Variants in SYT1 observed in about 807,000 individuals in gnomAD.
The protein encoded by SYT1 is synaptotagmin-1.
SYT1 carries 8 observed loss-of-function variants against 44.8 expected under a neutral mutation model. The ratio of observed to expected loss-of-function variants is 0.18; its 90% confidence interval spans 0.10 to 0.32. The LOEUF (loss-of-function observed/expected upper bound fraction) is 0.32. SYT1 is among the 10% of genes least tolerant of loss of function. The pLI, the probability that SYT1 is intolerant of heterozygous loss-of-function variation, is 1.00. For synonymous variants in SYT1, 154 were observed against 188.8 expected, an observed-to-expected ratio of 0.82 and a Z score of 1.51; for missense variants, 286 against 509.3, an observed-to-expected ratio of 0.56 and a Z score of 4.22.
intron 8 of SYT1, among the ~76,000 whole-genome samples, chr12:79,334,490 A>G (rs1053619732): frequency 1.3e-5 from 2 of 152,148 alleles, no homozygotes; most frequent in Non-Finnish European, 2.9e-5. Flanking sequence ...CGAGGATATG[A>G]CAGTGAGAAA....
At position 79,172,993 on chromosome 12, in the gene SYT1, AAAAAAAAAAAAAAG is replaced by A. The variant is rs1170750408; in HGVS notation, c.-17-44509_-17-44496del. 1.2e-3 allele frequency among the ~76,000 whole-genome samples: 175 copies of A among 143,112 alleles called. 3 individuals are homozygous for A. The highest frequency in any genetic ancestry group is 0.01 in the Middle Eastern group (3 of 288). 93.9% of individuals were successfully genotyped at this position (143,112 alleles called of 152,430 possible). A position where few individuals can be genotyped will look rare whatever the true frequency, so the allele number is the denominator to read the frequency against. On this transcript the variant is annotated intron_variant, in intron 3 of 10. Transcript: ENST00000261205. Reference sequence around the variant, plus strand: ...TCAAAAAAAAAAAAAAAAAAAAAAAAAAAAAAAAAAAAAGGGAGTTTGGCCTGTCCAGAAATAAA... The same window carrying A: ...TCAAAAAAAAAAAAAAAAAAAAAAAAGGAGTTTGGCCTGTCCAGAAATAAA...
chr12:79,132,709 A>G (rs1185170694), intron 3 of SYT1, among the ~76,000 whole-genome samples: 1 of 151,136 alleles, frequency 6.6e-6, no homozygotes, highest in Non-Finnish European at 1.5e-5. Context: ...AAACCCTGAA[A>G]ATAGAGCTAC....
intron 2 of SYT1, among the ~76,000 whole-genome samples, chr12:78,992,811 GTCA>G (rs1870107507): frequency 6.6e-6 from 1 of 152,146 alleles, no homozygotes; most frequent in African/African-American, 2.4e-5. Context: ...CTGAGCTGCA[GTCA>G]TCATGTGGGT....
At chr12:79,106,141 GC>G (rs1442129761) in intron 3 of SYT1, among the ~76,000 whole-genome samples, 1 of 152,188 alleles carries the variant, frequency 6.6e-6, no homozygotes, top group Admixed American at 6.5e-5. Flanking sequence ...AGTTGGAAAT[GC>G]AAAAGTAAAC....
chr12:79,034,191 C>A lies in SYT1; in HGVS notation c.-83-13106C>A, dbSNP rs193225516. On this transcript the variant is annotated intron_variant, in intron 2 of 10. Transcript: ENST00000261205. The stretch of plus-strand genomic sequence containing the variant: ...TTAAAGATGTTTTATCTTGAAAATT[C>A]TTTGGAAAGCCCTTTTGTTTTAAGG... Among the ~76,000 whole-genome samples the A allele has an allele frequency of 2.0e-5, 3 of 151,562 alleles. No homozygotes were observed. The East Asian group carries it at 5.8e-4, about 29-fold the overall frequency.
At chr12:79,319,437 A>G (rs1455887749) in intron 8 of SYT1, among the ~76,000 whole-genome samples, 1 of 152,194 alleles carries the variant, frequency 6.6e-6, no homozygotes, top group Non-Finnish European at 1.5e-5. Flanking sequence ...AAGGGCTGAG[A>G]TTCAGAATTT....
At chr12:79,287,246 T>C (rs1013979912) in intron 5 of SYT1, among the ~76,000 whole-genome samples, 7 of 152,094 alleles carry the variant, frequency 4.6e-5, no homozygotes, top group African/African-American at 1.7e-4. Context: ...ACTCAGAGAG[T>C]TTTGGCCTGA....
At chr12:79,035,995 C>T (rs1225374455) in intron 2 of SYT1, among the ~76,000 whole-genome samples, 1 of 151,148 alleles carries the variant, frequency 6.6e-6, no homozygotes, top group Admixed American at 6.6e-5. Context: ...GTCCCAGGAA[C>T]CATCCAGCCT....
At chr12:78,944,627 A>G (rs542617058) in intron 1 of SYT1, among the ~76,000 whole-genome samples, 1 of 152,278 alleles carries the variant, frequency 6.6e-6, no homozygotes, top group Non-Finnish European at 1.5e-5. Context: ...TGTGATCACA[A>G]CATGAAAGAA....
chr12:78,987,296 A>G (rs754907985), intron 2 of SYT1, among the ~76,000 whole-genome samples: 1 of 152,182 alleles, frequency 6.6e-6, no homozygotes, highest in African/African-American at 2.4e-5. Flanking sequence ...ACTTTAATTC[A>G]AAATGGTGTG....
chr12:79,137,543 G>A (rs1869280290), intron 3 of SYT1, among the ~76,000 whole-genome samples: 1 of 152,152 alleles, frequency 6.6e-6, no homozygotes, highest in Non-Finnish European at 1.5e-5. Flanking sequence ...AATTAGAAGA[G>A]ACAAATGATT....
chr12:79,235,969 T>G (rs1379953186), intron 4 of SYT1, among the ~76,000 whole-genome samples: 3 of 152,178 alleles, frequency 2.0e-5, no homozygotes, highest in Non-Finnish European at 4.4e-5. Flanking sequence ...ACTCTGAAGC[T>G]CAATACCAGA....
intron 3 of SYT1, among the ~76,000 whole-genome samples, chr12:79,197,905 T>C (rs1873558478): frequency 6.6e-6 from 1 of 151,806 alleles, no homozygotes; most frequent in Admixed American, 6.6e-5. Flanking sequence ...TCTAAAAAAC[T>C]CTGGATACAA....
intron 9 of SYT1, among the ~76,000 whole-genome samples, chr12:79,430,492 G>A (rs996357947): frequency 7.9e-5 from 12 of 152,144 alleles, no homozygotes; most frequent in African/African-American, 2.7e-4. Flanking sequence ...GCCCCTAAGA[G>A]TTGCTTAGGA....
chr12:78,985,425 G>C (rs533075042), intron 2 of SYT1, among the ~76,000 whole-genome samples: 2 of 151,854 alleles, frequency 1.3e-5, no homozygotes, highest in South Asian at 4.2e-4. Flanking sequence ...CAAGATGGCA[G>C]CTGAATACAT....
chr12:79,274,201 A>G (rs1175099758), intron 4 of SYT1, among the ~76,000 whole-genome samples: 1 of 152,256 alleles, frequency 6.6e-6, no homozygotes, highest in East Asian at 1.9e-4. Flanking sequence ...CTCTTGCCAC[A>G]GGTGCGGGAG....
chr12:78,935,843 G>C (rs1878023749), intron 1 of SYT1, among the ~76,000 whole-genome samples: 1 of 152,052 alleles, frequency 6.6e-6, no homozygotes, highest in Non-Finnish European at 1.5e-5. Context: ...TTGTTGTAAA[G>C]TCATTTGAAA....
At chr12:79,206,472 G>A (rs1874134902) in intron 3 of SYT1, among the ~76,000 whole-genome samples, 1 of 151,994 alleles carries the variant, frequency 6.6e-6, no homozygotes, top group Non-Finnish European at 1.5e-5. Flanking sequence ...GGCAGACAGT[G>A]ATAGTAAGAT....
At chr12:78,987,764 A>C (rs747572013) in intron 2 of SYT1, among the ~76,000 whole-genome samples, 2 of 152,100 alleles carry the variant, frequency 1.3e-5, no homozygotes, top group Non-Finnish European at 2.9e-5. Flanking sequence ...TAAAGAAGAG[A>C]TATTACTAGT....
Sources: allele counts gnomAD v4.1 joint callset (sites outside exome capture counted in the v4.1 genomes callset), GRCh38; gene constraint gnomAD v4.1.1; transcripts MANE v1.5; gene names NCBI Gene and HGNC (gene_info 2026-07-23, HGNC 2026-07-21).